Variants in EBF3 observed in about 807,000 individuals in gnomAD.
EBF3 encodes the protein EBF transcription factor 3.
Under a neutral mutation model 77.1 loss-of-function variants are expected in EBF3, and 18 were observed. That is an observed-to-expected ratio of 0.23 (90% CI 0.16 to 0.35). The LOEUF is 0.35. Among genes scored for constraint, EBF3 ranks in the 10% least tolerant of loss-of-function variants. EBF3 has a pLI of 1.00. For synonymous variants in EBF3, 350 were observed against 343.5 expected (o/e 1.02, Z -0.21); for missense variants, 558 against 860.0 (o/e 0.65, Z 4.39).
intron 16 of EBF3, among the ~76,000 whole-genome samples, chr10:129,838,181 C>A (rs1446622974): frequency 2.0e-5 from 3 of 152,258 alleles, no homozygotes; most frequent in Non-Finnish European, 4.4e-5. Flanking sequence ...GCCCCTCCTG[C>A]AGCCCTCCTC....
chr10:129,941,016 C>T (rs1294979911), intron 6 of EBF3, among the ~76,000 whole-genome samples: 1 of 152,226 alleles, frequency 6.6e-6, no homozygotes, highest in African/African-American at 2.4e-5. Flanking sequence ...AAGACCTGCT[C>T]TTAGAGCTTC....
intron 6 of EBF3, among the ~76,000 whole-genome samples, chr10:129,924,430 C>CAAAA (rs956215243): frequency 3.8e-4 from 41 of 108,378 alleles, no homozygotes; most frequent in African/African-American, 1.1e-3. Context: ...ACAACAACAA[C>CAAAA]AAAAAAAAAA....
chr10:129,934,605 G>A (rs1049777494), intron 6 of EBF3, among the ~76,000 whole-genome samples: 5 of 152,158 alleles, frequency 3.3e-5, no homozygotes, highest in African/African-American at 4.8e-5. Flanking sequence ...CATGCTTAGC[G>A]GTGGGGCTGG....
chr10:129,850,068 G>A (rs900686817), intron 10 of EBF3, among the ~76,000 whole-genome samples: 3 of 152,230 alleles, frequency 2.0e-5, no homozygotes, highest in Non-Finnish European at 2.9e-5. Flanking sequence ...CTCACCAAGC[G>A]ACTTGGTCCA....
chr10:129,933,793 C>T (rs1017335059), intron 6 of EBF3, among the ~76,000 whole-genome samples: 25 of 152,322 alleles, frequency 1.6e-4, no homozygotes, highest in Admixed American at 1.5e-3. Context: ...GCAGGCCAGG[C>T]ACCCCCAACC....
chr10:129,888,287 T>C (rs1391768371), intron 6 of EBF3, among the ~76,000 whole-genome samples: 1 of 152,202 alleles, frequency 6.6e-6, no homozygotes, highest in Non-Finnish European at 1.5e-5. Flanking sequence ...GCGGTGGCTT[T>C]TGCGTCCTTA....
At position 129,863,370 on chromosome 10, in the gene EBF3, G is replaced by T. The variant is rs1851771828; in HGVS notation, c.1039+3771C>A. ...TTGAAAGCAGCAGGCAAAAGGGCCT[G>T]GATGGATGGGGCCTGGCCTGCCTTC... On this transcript the variant is annotated intron_variant, in intron 10 of 16. Coordinates refer to ENST00000440978, the MANE Select transcript of EBF3 (RefSeq NM_001375380.1). This position sits in a 1 kb window ranked among gnomAD's most constrained non-coding sequence, Gnocchi z 4.0. 6.6e-6 allele frequency among the ~76,000 whole-genome samples: 1 copy of T among 152,244 alleles called. No individual in the cohort carries two copies. Among genetic ancestry groups the T allele is most frequent in the Non-Finnish European group, 1.5e-5 (1 of 68,034 alleles).
chr10:129,878,230 AT>A (rs1264355209), intron 6 of EBF3, among the ~76,000 whole-genome samples: 1 of 152,230 alleles, frequency 6.6e-6, no homozygotes, highest in Non-Finnish European at 1.5e-5. Flanking sequence ...TTAAATTTGA[AT>A]TTTGGATAAA....
intron 6 of EBF3, among the ~76,000 whole-genome samples, chr10:129,949,102 C>T (rs1002314491): frequency 6.6e-6 from 1 of 152,106 alleles, no homozygotes; most frequent in Non-Finnish European, 1.5e-5. Context: ...AGTTCAAGAC[C>T]AGCCTGACCA....
intron 6 of EBF3, among the ~76,000 whole-genome samples, chr10:129,889,802 C>CAAAAA (rs57252162): frequency 4.4e-5 from 5 of 114,898 alleles, no homozygotes; most frequent in East Asian, 2.5e-4. Flanking sequence ...GTCACATCTG[C>CAAAAA]AAAAAAAAAA....
At chr10:129,939,308 G>A (rs1397876457) in intron 6 of EBF3, among the ~76,000 whole-genome samples, 1 of 152,172 alleles carries the variant, frequency 6.6e-6, no homozygotes, top group Non-Finnish European at 1.5e-5. Context: ...CACTTCTCAA[G>A]GGACTGACAA....
At chr10:129,951,134 G>A (rs1291563498) in intron 6 of EBF3, among the ~76,000 whole-genome samples, 1 of 152,154 alleles carries the variant, frequency 6.6e-6, no homozygotes, top group South Asian at 2.1e-4. Context: ...AGGCTTTGAC[G>A]AGGCCAGCTT....
chr10:129,919,774 C>A (rs576268779), intron 6 of EBF3, among the ~76,000 whole-genome samples: 1 of 152,286 alleles, frequency 6.6e-6, no homozygotes, highest in East Asian at 1.9e-4. Flanking sequence ...ATATGTAAAC[C>A]AAGAGTCTCC....
Position 129,963,031 on chromosome 10 carries a change from T to C in EBF3, c.292-26A>G. 1 of 1,613,962 alleles carries C rather than the reference T, an allele frequency of 6.2e-7. No individual in the cohort carries two copies. The highest frequency in any genetic ancestry group is 1.1e-5 in the South Asian group (1 of 91,068). ...CTGAAAGTAACGATAAATAATTGCATTTAGTGCGATCGGTGTCAGGCGCGG... is the reference window on the plus strand; with the variant it reads ...CTGAAAGTAACGATAAATAATTGCACTTAGTGCGATCGGTGTCAGGCGCGG... On this transcript the variant is annotated intron_variant, in intron 2 of 16. Transcript: ENST00000440978. This position sits in a 1 kb window ranked among gnomAD's most constrained non-coding sequence, Gnocchi z 7.1.
chr10:129,902,474 A>T (rs1167603779), intron 6 of EBF3, among the ~76,000 whole-genome samples: 1 of 151,994 alleles, frequency 6.6e-6, no homozygotes, highest in Non-Finnish European at 1.5e-5. Context: ...TGGGAGGCAC[A>T]TCCATATGGG....
rs1410239539 is a variant in EBF3 at position 129,897,493 on chromosome 10, C to T, written c.555-19644G>A. Among the ~76,000 whole-genome samples the T allele has an allele frequency of 6.6e-6, 1 of 152,146 alleles. No homozygotes were observed. Among genetic ancestry groups the T allele is most frequent in the Non-Finnish European group, 1.5e-5 (1 of 68,026 alleles). On this transcript the variant is annotated intron_variant, in intron 6 of 16. Transcript: ENST00000440978. This position sits in a 1 kb window ranked among gnomAD's most constrained non-coding sequence, Gnocchi z 4.6. ...TGGCTCCCCCTAAATCAAGGGGGGC[C>T]AGGCAGACCTAACAAACAGAGGCAA... is the stretch of plus-strand genomic sequence containing the variant.
rs1311992426 is a variant in EBF3, at chr10:129,897,261, C to G, written c.555-19412G>C. On this transcript the variant is annotated intron_variant, in intron 6 of 16. Coordinates refer to ENST00000440978, the MANE Select transcript of EBF3 (RefSeq NM_001375380.1). This position sits in a 1 kb window ranked among gnomAD's most constrained non-coding sequence, Gnocchi z 4.6. ...AGTTCCTGGGGACACCTCTAGTCCA[C>G]TTGGGCCCCACTTTCCTGCAGGGAC... Among the ~76,000 whole-genome samples the G allele has an allele frequency of 6.6e-6, 1 of 152,182 alleles. No homozygotes were observed. Among genetic ancestry groups the G allele is most frequent in the Non-Finnish European group, 1.5e-5 (1 of 68,024 alleles).
intron 6 of EBF3, among the ~76,000 whole-genome samples, chr10:129,912,406 T>A (rs1564881940): frequency 6.6e-6 from 1 of 152,190 alleles, no homozygotes. Context: ...GATTGGCTCC[T>A]GCAGGATGGG....
At position 129,870,159 on chromosome 10, in the gene EBF3, G is replaced by A. The variant is rs1270518362; in HGVS notation, c.782-2247C>T. 6.6e-6 allele frequency among the ~76,000 whole-genome samples: 1 copy of A among 152,108 alleles called. No individual in the cohort carries two copies. Among genetic ancestry groups the A allele is most frequent in the African/African-American group, 2.4e-5 (1 of 41,414 alleles). ...GCTTCTCAGCGGAAAGAAAACACGGGCCTGCCTTGGCCTCCTCCACAGTGA... is the reference window on the plus strand; with the variant it reads ...GCTTCTCAGCGGAAAGAAAACACGGACCTGCCTTGGCCTCCTCCACAGTGA... On this transcript the variant is annotated intron_variant, in intron 8 of 16. Transcript: ENST00000440978. The surrounding 1 kb of genome is among the most constrained non-coding windows in gnomAD (Gnocchi z 4.4).
Sources: gnomAD v4.1 joint callset for allele counts (sites outside exome capture counted in the v4.1 genomes callset) on GRCh38, gnomAD v4.1.1 for gene constraint, Gnocchi (gnomAD v3.1) non-coding constraint, MANE v1.5 for transcripts, NCBI Gene and HGNC (gene_info 2026-07-23, HGNC 2026-07-21) for gene names.